WDPCP: variants seen among roughly 807,000 people sequenced by gnomAD.
WDPCP encodes WD repeat containing planar cell polarity effector.
Under a neutral mutation model 93.1 loss-of-function variants are expected in WDPCP, and 71 were observed. The observed-to-expected ratio is 0.76, with a 90% CI of 0.63 to 0.93. The LOEUF is 0.93. WDPCP is among the 40% of genes least tolerant of loss of function. WDPCP has a pLI of 0.00. For synonymous variants in WDPCP, 315 were observed against 315.0 expected (o/e 1.00, Z 0.00); for missense variants, 844 against 887.4 (o/e 0.95, Z 0.62).
chr2:63,161,780 T>C (rs76962816), intron 15 of WDPCP, among the ~76,000 whole-genome samples: 1 of 151,858 alleles, frequency 6.6e-6, no homozygotes, highest in Non-Finnish European at 1.5e-5. Context: ...TTTTTTTTTT[T>C]TGACACGGAG....
At chr2:63,284,257 A>C (rs1007881827) in intron 13 of WDPCP, among the ~76,000 whole-genome samples, 2 of 152,232 alleles carry the variant, frequency 1.3e-5, no homozygotes, top group Admixed American at 1.3e-4. Flanking sequence ...GCAGATGGTT[A>C]TAACTTAAAC....
chr2:63,779,348 A>G (rs984013495), intron 2 of WDPCP, among the ~76,000 whole-genome samples: 1 of 152,216 alleles, frequency 6.6e-6, no homozygotes, highest in Non-Finnish European at 1.5e-5. Flanking sequence ...CAAACATAAG[A>G]CATACTTTCA....
chr2:63,663,347 G>T (rs957506255), intron 2 of WDPCP, among the ~76,000 whole-genome samples: 1 of 152,162 alleles, frequency 6.6e-6, no homozygotes, highest in Non-Finnish European at 1.5e-5. Context: ...CACACTTGAA[G>T]CACATACTTG....
At chr2:63,358,680 C>T (rs1250291627) in intron 12 of WDPCP, among the ~76,000 whole-genome samples, 1 of 152,144 alleles carries the variant, frequency 6.6e-6, no homozygotes. Flanking sequence ...TGGTCTTGAA[C>T]TAGTTGCCTC....
intron 12 of WDPCP, among the ~76,000 whole-genome samples, chr2:63,322,239 C>T (rs1209758797): frequency 6.6e-6 from 1 of 152,182 alleles, no homozygotes; most frequent in Non-Finnish European, 1.5e-5. Flanking sequence ...GACCAATCAG[C>T]TCTCTGTAAA....
chr2:63,724,334 A>G (rs1463580811), intron 2 of WDPCP, among the ~76,000 whole-genome samples: 2 of 152,118 alleles, frequency 1.3e-5, no homozygotes, highest in Non-Finnish European at 2.9e-5. Flanking sequence ...CATCTTCTAA[A>G]CTACTGAAGG....
At chr2:63,697,155 T>C (rs1414155646) in intron 2 of WDPCP, among the ~76,000 whole-genome samples, 1 of 152,116 alleles carries the variant, frequency 6.6e-6, no homozygotes, top group East Asian at 1.9e-4. Context: ...GTAGTTATAG[T>C]AGTTGTAGTA....
rs142284878 is a variant in WDPCP at position 63,600,629 on chromosome 2, G to A, written n.488+50030C>T. Among the ~76,000 whole-genome samples the A allele has an allele frequency of 3.0e-4, 45 of 152,332 alleles. No individual in the cohort carries two copies. In the East Asian group the frequency reaches 6.2e-3, roughly 21 times the overall value. ...CAAGAAAGGTTGGCTGCTATTATTA[G>A]TTGATTTCTTCTTTCTAAGAAGCAT... On this transcript the variant is annotated intron_variant and non_coding_transcript_variant, in intron 3 of 4. Coordinates refer to the WDPCP transcript ENST00000467687.
intron 2 of WDPCP, among the ~76,000 whole-genome samples, chr2:63,659,242 G>A (rs2106634896): frequency 6.6e-6 from 1 of 152,276 alleles, no homozygotes; most frequent in South Asian, 2.1e-4. Flanking sequence ...CAGGATATCA[G>A]AAAGAATTTA....
Position 63,784,571 on chromosome 2 carries a change from AGTGTGT to A in WDPCP, n.308+29045_308+29050del, listed in dbSNP as rs57680590. On this transcript the variant is annotated intron_variant and non_coding_transcript_variant, in intron 2 of 4. Transcript: ENST00000467687. ...CTTTTGAAAAAATATCTCTAGCTGG[AGTGTGT>A]GTGTGTGTGTGTGTGTGTGTGTGTG... Among the ~76,000 whole-genome samples, 61 of 145,744 alleles carry A rather than the reference AGTGTGT, an allele frequency of 4.2e-4. 1 individual carries two copies. The highest frequency in any genetic ancestry group is 1.3e-3 in the African/African-American group (51 of 39,642).
intron 14 of WDPCP, among the ~76,000 whole-genome samples, chr2:63,219,078 G>T (rs192470270): frequency 6.6e-6 from 1 of 152,108 alleles, no homozygotes. Context: ...TATGCATAGT[G>T]TCATAAATCT....
chr2:63,318,234 C>T (rs1686812193), intron 12 of WDPCP, among the ~76,000 whole-genome samples: 1 of 152,072 alleles, frequency 6.6e-6, no homozygotes, highest in African/African-American at 2.4e-5. Context: ...CATAACCAGT[C>T]AGAATGGCTA....
intron 1 of WDPCP, among the ~76,000 whole-genome samples, chr2:63,581,902 G>C (rs1161956881): frequency 3.3e-5 from 5 of 151,806 alleles, no homozygotes; most frequent in African/African-American, 1.2e-4. Flanking sequence ...CCAGCTATTT[G>C]AGAGCTGAGG....
At chr2:63,472,756 T>C (rs1465745982) in intron 6 of WDPCP, among the ~76,000 whole-genome samples, 5 of 152,058 alleles carry the variant, frequency 3.3e-5, no homozygotes, top group Non-Finnish European at 5.9e-5. Flanking sequence ...GACAGGGTTT[T>C]GCCACATTGG....
At chr2:63,525,411 AT>A (rs1476721207) in intron 1 of WDPCP, among the ~76,000 whole-genome samples, 19 of 152,256 alleles carry the variant, frequency 1.2e-4, no homozygotes, top group African/African-American at 4.3e-4. Flanking sequence ...ATTTAAAAAA[AT>A]AAAAACTAAA....
At chr2:63,804,491 G>A (rs547493540) in intron 2 of WDPCP, among the ~76,000 whole-genome samples, 85 of 151,506 alleles carry the variant, frequency 5.6e-4, no homozygotes, top group Non-Finnish European at 8.4e-4. Context: ...TCCTGACCTC[G>A]TGATCCACCA....
rs1199854272 is a variant in WDPCP, at chr2:63,588,471, A to C, written c.-200T>G. On this transcript the variant is annotated 5_prime_UTR_variant, in exon 1 of 18. Transcript: ENST00000272321. ...CCTGAGAAGCTGTCCGGTCGTCCCA[A>C]CTTATCAATTCCCCCGCCCCTCCAG... The C allele has an allele frequency of 3.0e-6, 2 of 666,690 alleles. No homozygotes were observed. The highest frequency in any genetic ancestry group is 2.7e-6 in the Non-Finnish European group (1 of 367,902). The allele number at this position is 666,690 out of a possible 1,614,324, so 41.3% of individuals were successfully genotyped here. A position where few individuals can be genotyped will look rare whatever the true frequency, so the allele number is the denominator to read the frequency against.
At chr2:63,345,515 T>G (rs986085905) in intron 12 of WDPCP, among the ~76,000 whole-genome samples, 11 of 152,140 alleles carry the variant, frequency 7.2e-5, no homozygotes, top group African/African-American at 2.4e-4. Context: ...CTGAGTGCTA[T>G]TTACAGGTAA....
chr2:63,830,708 T>C (rs944421016), upstream of WDPCP, among the ~76,000 whole-genome samples: 9 of 152,310 alleles, frequency 5.9e-5, no homozygotes, highest in South Asian at 2.1e-4. Context: ...CTCTGGGCTC[T>C]ATAGCACACG....
Sources: gnomAD v4.1 joint callset for allele counts (sites outside exome capture counted in the v4.1 genomes callset) on GRCh38, gnomAD v4.1.1 for gene constraint, MANE v1.5 for transcripts, NCBI Gene and HGNC (gene_info 2026-07-23, HGNC 2026-07-21) for gene names.